Variants in SMG6 observed in about 807,000 individuals in gnomAD.
SMG6 encodes the protein telomerase-binding protein EST1A.
A neutral mutation model predicts 142.2 loss-of-function variants in SMG6; 66 were observed. The observed-to-expected ratio is 0.46, with a 90% CI of 0.38 to 0.57. The LOEUF (loss-of-function observed/expected upper bound fraction) is 0.57, where lower values mean the gene tolerates loss of function less well. SMG6 is among the 20% of genes least tolerant of loss of function. The pLI, the probability that SMG6 is intolerant of heterozygous loss-of-function variation, is 0.00. For synonymous variants in SMG6, 779 were observed against 702.4 expected (o/e 1.11, Z -1.72); for missense variants, 1,793 against 1,832.0 (o/e 0.98, Z 0.39).
intron 6 of SMG6, among the ~76,000 whole-genome samples, chr17:2,284,266 G>A (rs940313547): frequency 6.6e-6 from 1 of 152,128 alleles, no homozygotes; most frequent in Non-Finnish European, 1.5e-5. Flanking sequence ...AATACCCAAT[G>A]GAGGAGTATC....
chr17:2,145,221 C>G (rs760190315), intron 13 of SMG6, among the ~76,000 whole-genome samples: 42 of 151,916 alleles, frequency 2.8e-4, no homozygotes, highest in Non-Finnish European at 5.0e-4. Flanking sequence ...TCAAGCGATT[C>G]TCATGCTTCA....
intron 8 of SMG6, among the ~76,000 whole-genome samples, chr17:2,271,451 T>C (rs1396403255): frequency 2.0e-5 from 3 of 150,280 alleles, no homozygotes; most frequent in Non-Finnish European, 4.4e-5. Flanking sequence ...TGGTGGCTCA[T>C]GCCTGTAATC....
chr17:2,070,950 T>C (rs994524536), intron 15 of SMG6, among the ~76,000 whole-genome samples: 1 of 152,204 alleles, frequency 6.6e-6, no homozygotes, highest in Non-Finnish European at 1.5e-5. Context: ...TTTCTCCTCT[T>C]GCGGAGGAGC....
At chr17:2,066,078 G>GATAC in intron 16 of SMG6, 1 of 225,486 alleles carries the variant, frequency 4.4e-6, no homozygotes, top group Non-Finnish European at 9.1e-6. Context: ...TTAACTCCTT[G>GATAC]GGCCCACACA....
chr17:2,277,259 C>T (rs1335032107), intron 8 of SMG6, among the ~76,000 whole-genome samples: 3 of 150,976 alleles, frequency 2.0e-5, no homozygotes, highest in Non-Finnish European at 3.0e-5. Context: ...CTCCGCCTCC[C>T]GGGTTCACGC....
chr17:2,069,036 T>C, intron 15 of SMG6, 105 bp from the exon 16 acceptor site: 1 of 1,143,166 alleles, frequency 8.7e-7, no homozygotes, highest in Non-Finnish European at 1.3e-6. Context: ...CCTAGGAACC[T>C]CTTCCCCTCC....
At chr17:2,088,294 C>T (rs2151441213) in intron 13 of SMG6, 2 of 985,406 alleles carry the variant, frequency 2.0e-6, no homozygotes, top group South Asian at 4.7e-5. Context: ...TGTGGGACTC[C>T]TGGAGATGGG....
intron 13 of SMG6, among the ~76,000 whole-genome samples, chr17:2,112,621 T>A (rs912178074): frequency 6.6e-6 from 1 of 150,954 alleles, no homozygotes; most frequent in Non-Finnish European, 1.5e-5. Flanking sequence ...ATGTAAAAAT[T>A]GAATTTTTTT....
chr17:2,165,312 A>T (rs1380348510), intron 13 of SMG6, among the ~76,000 whole-genome samples: 5 of 152,062 alleles, frequency 3.3e-5, no homozygotes, highest in African/African-American at 1.2e-4. Flanking sequence ...ACTAGACATG[A>T]GCGATAGCTC....
chr17:2,204,753 A>G (rs945858062), intron 10 of SMG6, among the ~76,000 whole-genome samples: 47 of 152,206 alleles, frequency 3.1e-4, no homozygotes, highest in Admixed American at 2.9e-3. Context: ...ACTTAAGCTC[A>G]GGAGTTCCTG....
At chr17:2,149,656 A>C (rs1315061714) in intron 13 of SMG6, among the ~76,000 whole-genome samples, 4 of 152,208 alleles carry the variant, frequency 2.6e-5, no homozygotes, top group Non-Finnish European at 5.9e-5. Context: ...CTGACTGGCA[A>C]GGCCAAATAT....
At chr17:2,220,889 CT>C (rs1349095393) in intron 10 of SMG6, among the ~76,000 whole-genome samples, 2 of 152,000 alleles carry the variant, frequency 1.3e-5, no homozygotes, top group Non-Finnish European at 2.9e-5. Flanking sequence ...TCTACTTTAC[CT>C]TTTTTAGTAC....
intron 12 of SMG6, among the ~76,000 whole-genome samples, chr17:2,179,697 G>A (rs945415505): frequency 2.6e-5 from 4 of 152,096 alleles, no homozygotes; most frequent in African/African-American, 7.2e-5. Context: ...GGTGAAACGC[G>A]GGCTCTCCAG....
At chr17:2,165,732 C>A (rs1403444479) in intron 13 of SMG6, among the ~76,000 whole-genome samples, 1 of 152,050 alleles carries the variant, frequency 6.6e-6, no homozygotes, top group Non-Finnish European at 1.5e-5. Flanking sequence ...GGAGGCCTTG[C>A]CTCTAATAAA....
rs2068550963 is a variant in SMG6, at chr17:2,085,989, G to A, written c.3358-88C>T. On this transcript the variant is annotated intron_variant, in intron 13 of 18. Coordinates refer to ENST00000263073, the MANE Select transcript of SMG6 (RefSeq NM_017575.5). The surrounding 1 kb of genome is among the most constrained non-coding windows in gnomAD (Gnocchi z 4.1). Reference sequence around the variant, plus strand: ...GTTGCTTGCCGGCTGAGGGGCACAGGGGAACTGTGTCAAAGCTACCAGGCA... The same window carrying A: ...GTTGCTTGCCGGCTGAGGGGCACAGAGGAACTGTGTCAAAGCTACCAGGCA... 7.4e-6 allele frequency: 10 copies of A among 1,360,452 alleles called. No individual in the cohort carries two copies. In the South Asian group the frequency reaches 1.2e-4, roughly 16 times the overall value. 84.3% of individuals were successfully genotyped at this position (1,360,452 alleles called of 1,614,324 possible).
At chr17:2,128,315 T>TA (rs982494550) in intron 13 of SMG6, among the ~76,000 whole-genome samples, 7 of 152,016 alleles carry the variant, frequency 4.6e-5, no homozygotes, top group South Asian at 2.1e-4. Flanking sequence ...TTACCACAAT[T>TA]AAAAAAAATC....
Position 2,303,703 on chromosome 17 carries a change from C to T in SMG6, c.18G>A (p.Glu6=), listed in dbSNP as rs1567770197. The T allele has an allele frequency of 1.3e-6, 2 of 1,494,232 alleles. No individual in the cohort carries two copies. The highest frequency in any genetic ancestry group is 1.5e-5 in the African/African-American group (1 of 68,818). The allele number at this position is 1,494,232 out of a possible 1,614,324, so 92.6% of individuals were successfully genotyped here. A position where few individuals can be genotyped will look rare whatever the true frequency, so the allele number is the denominator to read the frequency against. The change falls in exon 1 of 19, where the codon GAG becomes GAA. Residue 6 remains glutamate (E), a synonymous_variant. Transcript: ENST00000263073. The stretch of plus-strand genomic sequence containing the variant: ...GCTCCGACGCGGAGATCCGCACACG[C>T]TCCAGCCCTTCCGCCATCTTCGCGG... MAEGL[E]RVRISASELR... is the part of the protein sequence containing the mutation.
intron 13 of SMG6, among the ~76,000 whole-genome samples, chr17:2,116,936 G>T (rs769676051): frequency 6.6e-6 from 1 of 151,818 alleles, no homozygotes; most frequent in Admixed American, 6.6e-5. Context: ...CCAGAAGAGG[G>T]TATTCAAATG....
At chr17:2,065,016 G>T in intron 18 of SMG6, 57 bp downstream of exon 18, 3 of 1,359,296 alleles carry the variant, frequency 2.2e-6, no homozygotes, top group Non-Finnish European at 3.1e-6. Context: ...CTGAGGATGG[G>T]TAGGATGAGG....
Sources: gnomAD v4.1 joint callset for allele counts (sites outside exome capture counted in the v4.1 genomes callset) on GRCh38, gnomAD v4.1.1 for gene constraint, Gnocchi (gnomAD v3.1) non-coding constraint, MANE v1.5 for transcripts, NCBI Gene and HGNC (gene_info 2026-07-23, HGNC 2026-07-21) for gene names.